Variants in GABRG3 observed in about 807,000 individuals in gnomAD.
GABRG3 encodes the protein gamma-aminobutyric acid type A receptor subunit gamma3, also known as gamma-aminobutyric acid receptor subunit gamma-3.
A neutral mutation model predicts 48.8 loss-of-function variants in GABRG3; 25 were observed. The ratio of observed to expected loss-of-function variants is 0.51; its 90% CI spans 0.37 to 0.72. The LOEUF is 0.72. GABRG3 is among the 30% of genes least tolerant of loss of function. GABRG3 has a pLI of 0.00. For synonymous variants in GABRG3, 227 were observed against 217.6 expected (o/e 1.04, Z -0.38); for missense variants, 394 against 577.9 (o/e 0.68, Z 3.26).
intron 5 of GABRG3, among the ~76,000 whole-genome samples, chr15:27,376,571 C>T (rs994685325): frequency 7.9e-5 from 12 of 152,206 alleles, no homozygotes; most frequent in African/African-American, 2.9e-4. Flanking sequence ...CCCTCACAGG[C>T]TCAACACCAC....
At chr15:27,020,204 A>G (rs1232980389) in intron 2 of GABRG3, among the ~76,000 whole-genome samples, 1 of 152,082 alleles carries the variant, frequency 6.6e-6, no homozygotes, top group Admixed American at 6.6e-5. Flanking sequence ...CGCACCCTCC[A>G]TGGGCATGTC....
At chr15:27,316,975 A>AG (rs1024546935) in intron 3 of GABRG3, among the ~76,000 whole-genome samples, 2 of 152,232 alleles carry the variant, frequency 1.3e-5, no homozygotes, top group Non-Finnish European at 2.9e-5. Flanking sequence ...TTGTTTATAC[A>AG]GAAAAACCTT....
At chr15:27,086,764 T>C (rs1897084174) in intron 3 of GABRG3, among the ~76,000 whole-genome samples, 1 of 152,204 alleles carries the variant, frequency 6.6e-6, no homozygotes, top group African/African-American at 2.4e-5. Context: ...AAATGTTTTG[T>C]TTGTAGCAGT....
chr15:27,312,040 C>T (rs1893014168), intron 3 of GABRG3, among the ~76,000 whole-genome samples: 1 of 151,944 alleles, frequency 6.6e-6, no homozygotes, highest in Admixed American at 6.6e-5. Context: ...ATTAGAATAA[C>T]TATTATAAAG....
At chr15:27,256,420 G>C (rs1271918045) in intron 3 of GABRG3, among the ~76,000 whole-genome samples, 1 of 131,692 alleles carries the variant, frequency 7.6e-6, no homozygotes, top group African/African-American at 2.9e-5. Context: ...CAGCCTGGGC[G>C]ACAGAGCAAG....
intron 3 of GABRG3, among the ~76,000 whole-genome samples, chr15:27,167,064 C>T (rs1160323396): frequency 6.6e-6 from 1 of 152,118 alleles, no homozygotes; most frequent in Non-Finnish European, 1.5e-5. Context: ...CTCTCCAGGC[C>T]CTCTCACATA....
chr15:27,306,304 T>C (rs887430144), intron 3 of GABRG3, among the ~76,000 whole-genome samples: 10 of 136,550 alleles, frequency 7.3e-5, no homozygotes, highest in Admixed American at 4.5e-4. Context: ...TATAAACATA[T>C]ATATAATATA....
chr15:27,382,550 C>T (rs982950102), intron 5 of GABRG3, among the ~76,000 whole-genome samples: 43 of 152,116 alleles, frequency 2.8e-4, no homozygotes, highest in African/African-American at 9.9e-4. Flanking sequence ...GCTTTGAACA[C>T]AAAAGAGGCA....
chr15:27,256,922 G>A (rs983456713), intron 3 of GABRG3, among the ~76,000 whole-genome samples: 2 of 152,126 alleles, frequency 1.3e-5, no homozygotes, highest in African/African-American at 4.8e-5. Context: ...TCATTTCTTT[G>A]GACAGATACC....
intron 5 of GABRG3, among the ~76,000 whole-genome samples, chr15:27,397,646 T>G (rs577683744): frequency 6.6e-6 from 1 of 152,162 alleles, no homozygotes; most frequent in East Asian, 1.9e-4. Flanking sequence ...CCCTCACCAT[T>G]TCTAAACTCT....
chr15:27,050,014 A>G (rs1896430385), intron 3 of GABRG3, among the ~76,000 whole-genome samples: 1 of 152,188 alleles, frequency 6.6e-6, no homozygotes, highest in Non-Finnish European at 1.5e-5. Context: ...GGGTTTCTCT[A>G]TTCTGTTCTG....
chr15:27,123,773 A>C (rs1897771372), intron 3 of GABRG3, among the ~76,000 whole-genome samples: 1 of 152,112 alleles, frequency 6.6e-6, no homozygotes, highest in Admixed American at 6.5e-5. Context: ...AAATACACAC[A>C]CGAGGATGAT....
intron 3 of GABRG3, among the ~76,000 whole-genome samples, chr15:27,095,099 C>T (rs986380673): frequency 6.6e-6 from 1 of 152,162 alleles, no homozygotes; most frequent in African/African-American, 2.4e-5. Context: ...GGATTTTCGC[C>T]ACACCGATGT....
intron 5 of GABRG3, among the ~76,000 whole-genome samples, chr15:27,439,531 G>T (rs941559772): frequency 3.3e-5 from 5 of 152,168 alleles, no homozygotes; most frequent in African/African-American, 1.2e-4. Flanking sequence ...AGGTGTTTAT[G>T]AACTGACATC....
intron 5 of GABRG3, among the ~76,000 whole-genome samples, chr15:27,360,244 C>T (rs368883538): frequency 2.6e-5 from 4 of 152,146 alleles, no homozygotes; most frequent in East Asian, 1.9e-4. Context: ...TCATCCAGCA[C>T]GAGTAGCCCT....
At chr15:27,244,165 T>C (rs1890207852) in intron 3 of GABRG3, among the ~76,000 whole-genome samples, 2 of 152,262 alleles carry the variant, frequency 1.3e-5, no homozygotes, top group Middle Eastern at 3.4e-3. Flanking sequence ...GAGGCTAGGC[T>C]GTGTACCAGG....
intron 5 of GABRG3, among the ~76,000 whole-genome samples, chr15:27,423,198 G>T (rs1251403490): frequency 1.5e-5 from 2 of 133,904 alleles, no homozygotes; most frequent in African/African-American, 5.7e-5. Flanking sequence ...GAATGGCATG[G>T]TTCATTGTCC....
intron 3 of GABRG3, among the ~76,000 whole-genome samples, chr15:27,082,626 G>A (rs1480792955): frequency 6.6e-6 from 1 of 152,176 alleles, no homozygotes; most frequent in Non-Finnish European, 1.5e-5. Flanking sequence ...TCAAGATCAC[G>A]ATAAAACCAC....
chr15:27,012,819 T>A (rs896359789), intron 2 of GABRG3, among the ~76,000 whole-genome samples: 3 of 152,194 alleles, frequency 2.0e-5, no homozygotes, highest in African/African-American at 7.2e-5. Flanking sequence ...GTCTTGATTA[T>A]GCTCTGTCCT....
Sources: allele counts gnomAD v4.1 joint callset (sites outside exome capture counted in the v4.1 genomes callset), GRCh38; gene constraint gnomAD v4.1.1; transcripts MANE v1.5; gene names NCBI Gene and HGNC (gene_info 2026-07-23, HGNC 2026-07-21).